VAMP1: variants seen among roughly 807,000 people sequenced by gnomAD.
VAMP1 encodes vesicle-associated membrane protein 1.
A neutral mutation model predicts 19.1 loss-of-function variants in VAMP1; 16 were observed. The ratio of observed to expected loss-of-function variants is 0.84; its 90% CI spans 0.57 to 1.27. The LOEUF is 1.27. Among genes scored for constraint, VAMP1 ranks in the 50% most tolerant of loss-of-function variants. The pLI, the probability that VAMP1 is intolerant of heterozygous loss-of-function variation, is 0.00. For synonymous variants in VAMP1, 37 were observed against 50.2 expected, an observed-to-expected ratio of 0.74 and a Z score of 1.11; for missense variants, 109 against 145.4, an observed-to-expected ratio of 0.75 and a Z score of 1.29.
At position 6,462,745 on chromosome 12, in the gene VAMP1, C is replaced by T. The variant is rs1565523136; in HGVS notation, c.*1725G>A. ...GTGGTTCTTCTCCAGCGGTGACCCC[C>T]TGCATTAGGCAAGGAGGAGCCCAGA... On this transcript the variant is annotated 3_prime_UTR_variant, in exon 5 of 5. Transcript: ENST00000396308. The T allele has an allele frequency of 1.4e-6, 2 of 1,401,044 alleles. No homozygotes were observed. Among genetic ancestry groups the T allele is most frequent in the Non-Finnish European group, 1.9e-6 (2 of 1,031,268 alleles). The allele number at this position is 1,401,044 out of a possible 1,614,324, so 86.8% of individuals were successfully genotyped here. A position where few individuals can be genotyped will look rare whatever the true frequency, so the allele number is the denominator to read the frequency against.
At chr12:6,467,726 A>C (rs1302228598) in intron 1 of VAMP1, among the ~76,000 whole-genome samples, 1 of 152,210 alleles carries the variant, frequency 6.6e-6, no homozygotes, top group Non-Finnish European at 1.5e-5. Flanking sequence ...CTGGAGGCCC[A>C]GGAGGAAAAA....
intron 4 of VAMP1, 86 bp from the exon 5 acceptor site, chr12:6,464,572 C>A (rs781268500): frequency 4.1e-6 from 6 of 1,463,880 alleles, no homozygotes; most frequent in Non-Finnish European, 4.5e-6. Context: ...AGTTACCAGA[C>A]ATTCAGGTCT....
Position 6,470,599 on chromosome 12 carries a change from G to A in VAMP1, c.-68C>T, listed in dbSNP as rs1315510930. ...TGCGGCGAGACACCCGGTGAGGGAC[G>A]CTGCGGCTGAAGTGGACGGAACTGC... On this transcript the variant is annotated 5_prime_UTR_variant, in exon 1 of 5. Coordinates refer to ENST00000396308, the MANE Select transcript of VAMP1 (RefSeq NM_014231.5). 1 of 1,602,880 alleles carries A rather than the reference G, an allele frequency of 6.2e-7. No homozygotes were observed. Among genetic ancestry groups the A allele is most frequent in the Non-Finnish European group, 8.5e-7 (1 of 1,171,342 alleles).
chr12:6,463,931 G>T lies in VAMP1; in HGVS notation c.*539C>A. The T allele has an allele frequency of 7.8e-7, 1 of 1,289,386 alleles. No individual in the cohort carries two copies. Among genetic ancestry groups the T allele is most frequent in the Non-Finnish European group, 1.0e-6 (1 of 988,888 alleles). The allele number at this position is 1,289,386 out of a possible 1,614,324, so 79.9% of individuals were successfully genotyped here. On this transcript the variant is annotated 3_prime_UTR_variant, in exon 5 of 5. Transcript: ENST00000396308. The surrounding 1 kb of genome is among the most constrained non-coding windows in gnomAD (Gnocchi z 4.0). The stretch of plus-strand genomic sequence containing the variant: ...AAACAAGTTTTTACTTTCGAAAAGG[G>T]TACTGCACTGAAACCAAGTTGGACT...
In VAMP1 at chr12:6,462,696, G is replaced by T; in HGVS notation, c.*1774C>A. ...AGCCAAGAGGACGGATTCGCTCCAG[G>T]CTTGGGACACATCGAGGACAGTGGT... On this transcript the variant is annotated 3_prime_UTR_variant, in exon 5 of 5. Coordinates refer to ENST00000396308, the MANE Select transcript of VAMP1 (RefSeq NM_014231.5). 1 of 966,364 alleles carries T rather than the reference G, an allele frequency of 1.0e-6. No homozygotes were observed. The allele number at this position is 966,364 out of a possible 1,614,324, so 59.9% of individuals were successfully genotyped here. A position where few individuals can be genotyped will look rare whatever the true frequency, so the allele number is the denominator to read the frequency against.
In VAMP1 at chr12:6,463,847, T is replaced by C. The variant is rs1403126959; in HGVS notation, c.*623A>G. On this transcript the variant is annotated 3_prime_UTR_variant, in exon 5 of 5. Coordinates refer to ENST00000396308, the MANE Select transcript of VAMP1 (RefSeq NM_014231.5). This position sits in a 1 kb window ranked among gnomAD's most constrained non-coding sequence, Gnocchi z 4.0. ...CAGGCCTCTGGAGAACAAAGTAAAG[T>C]TGTAAGATCCCCAAAGACACGGAAA... 2 of 1,245,224 alleles carry C rather than the reference T, an allele frequency of 1.6e-6. No homozygotes were observed. Among genetic ancestry groups the C allele is most frequent in the Non-Finnish European group, 2.1e-6 (2 of 968,660 alleles). The allele number at this position is 1,245,224 out of a possible 1,614,324, so 77.1% of individuals were successfully genotyped here. A position where few individuals can be genotyped will look rare whatever the true frequency, so the allele number is the denominator to read the frequency against.
In VAMP1 at chr12:6,462,670, G is replaced by A. The variant is rs1949907477; in HGVS notation, c.*1800C>T. On this transcript the variant is annotated 3_prime_UTR_variant, in exon 5 of 5. Transcript: ENST00000396308. ...AATGATTCCTGTGATAGGGCTGGGA[G>A]AGCCAAGAGGACGGATTCGCTCCAG... The A allele has an allele frequency of 2.6e-6, 2 of 762,388 alleles. No homozygotes were observed. Among genetic ancestry groups the A allele is most frequent in the Admixed American group, 5.9e-5 (2 of 33,810 alleles). 47.2% of individuals were successfully genotyped at this position (762,388 alleles called of 1,614,324 possible).
At chr12:6,464,825 G>A (rs1379560336) in intron 4 of VAMP1, 65 bp downstream of exon 4, 3 of 1,610,584 alleles carry the variant, frequency 1.9e-6, no homozygotes, top group East Asian at 2.2e-5. Context: ...CAGGCAGGCA[G>A]GCAGGGAGAA....
intron 1 of VAMP1, among the ~76,000 whole-genome samples, chr12:6,469,810 CTG>C (rs778521186): frequency 6.6e-6 from 1 of 152,170 alleles, no homozygotes; most frequent in South Asian, 2.1e-4. Context: ...GGAGACTAAA[CTG>C]TGTGTGTTGG....
chr12:6,470,372 C>A (rs1011814947), intron 1 of VAMP1, among the ~76,000 whole-genome samples, 158 bp downstream of exon 1: 17 of 152,064 alleles, frequency 1.1e-4, no homozygotes, highest in Non-Finnish European at 2.5e-4. Context: ...GTGCTGGCCC[C>A]CCTCCCTGGG....
chr12:6,468,028 A>T (rs1322862068), intron 1 of VAMP1, among the ~76,000 whole-genome samples: 2 of 152,212 alleles, frequency 1.3e-5, no homozygotes, highest in Non-Finnish European at 2.9e-5. Flanking sequence ...CCTCATGGAG[A>T]ACCTCTGCTA....
intron 1 of VAMP1, 135 bp downstream of exon 1, chr12:6,470,395 C>T: frequency 1.5e-6 from 2 of 1,370,846 alleles, no homozygotes; most frequent in Non-Finnish European, 2.0e-6. Context: ...TGGCCCGGTC[C>T]GGAAGCGGCG....
intron 4 of VAMP1, 44 bp downstream of exon 4, chr12:6,464,846 C>T: frequency 6.2e-7 from 1 of 1,613,304 alleles, no homozygotes; most frequent in Non-Finnish European, 8.5e-7. Context: ...GACTCCAGGA[C>T]CTTCCCACCT....
At chr12:6,464,787 C>G in intron 4 of VAMP1, 103 bp downstream of exon 4, 1 of 1,584,678 alleles carries the variant, frequency 6.3e-7, no homozygotes, top group Non-Finnish European at 8.6e-7. Context: ...GTCTCCATAC[C>G]TCAGTCAGAG....
rs543954369 is a variant in VAMP1, at chr12:6,462,736, G to A, written c.*1734C>T. ...AGGACAGTGGTGGTTCTTCTCCAGC[G>A]GTGACCCCCTGCATTAGGCAAGGAG... On this transcript the variant is annotated 3_prime_UTR_variant, in exon 5 of 5. Transcript: ENST00000396308. 16 of 1,309,734 alleles carry A rather than the reference G, an allele frequency of 1.2e-5. No individual in the cohort carries two copies. In the East Asian group the frequency reaches 2.7e-4, roughly 22 times the overall value. The allele number at this position is 1,309,734 out of a possible 1,614,324, so 81.1% of individuals were successfully genotyped here. A position where few individuals can be genotyped will look rare whatever the true frequency, so the allele number is the denominator to read the frequency against.
rs1949936926 is a variant in VAMP1 at position 6,463,737 on chromosome 12, G to A, written c.*733C>T. 1 of 1,157,794 alleles carries A rather than the reference G, an allele frequency of 8.6e-7. No individual in the cohort carries two copies. The highest frequency in any genetic ancestry group is 1.1e-6 in the Non-Finnish European group (1 of 928,096). The allele number at this position is 1,157,794 out of a possible 1,614,324, so 71.7% of individuals were successfully genotyped here. ...AATGCTGTAGAAAATGTAAAGAAGA[G>A]AAAGCTCCTTCCAGCTAGAAGCACA... On this transcript the variant is annotated 3_prime_UTR_variant, in exon 5 of 5. Transcript: ENST00000396308. The surrounding 1 kb of genome is among the most constrained non-coding windows in gnomAD (Gnocchi z 4.0).
Position 6,463,532 on chromosome 12 carries a change from G to A in VAMP1, c.*938C>T, listed in dbSNP as rs892783053. On this transcript the variant is annotated 3_prime_UTR_variant, in exon 5 of 5. Coordinates refer to ENST00000396308, the MANE Select transcript of VAMP1 (RefSeq NM_014231.5). The surrounding 1 kb of genome is among the most constrained non-coding windows in gnomAD (Gnocchi z 4.0). ...AGAGAGGAACAGGACCCTCTTTAAC[G>A]AGGGCAAGGAGTGGCTTCCTCTGAG... 29 of 1,041,268 alleles carry A rather than the reference G, an allele frequency of 2.8e-5. No homozygotes were observed. Among genetic ancestry groups the A allele is most frequent in the Admixed American group, 1.0e-4 (2 of 19,712 alleles). The allele number at this position is 1,041,268 out of a possible 1,614,324, so 64.5% of individuals were successfully genotyped here. A position where few individuals can be genotyped will look rare whatever the true frequency, so the allele number is the denominator to read the frequency against.
At chr12:6,468,140 C>T (rs1235151481) in intron 1 of VAMP1, among the ~76,000 whole-genome samples, 2 of 152,226 alleles carry the variant, frequency 1.3e-5, no homozygotes, top group African/African-American at 4.8e-5. Flanking sequence ...ATTCTCCAGA[C>T]CCCAGAATGG....
At chr12:6,465,201 G>A in intron 3 of VAMP1, 1 of 493,734 alleles carries the variant, frequency 2.0e-6, no homozygotes, top group African/African-American at 2.0e-5. Context: ...GGTGTCTTGG[G>A]GCTTTAGAAG....
Sources: allele counts gnomAD v4.1 joint callset (sites outside exome capture counted in the v4.1 genomes callset), GRCh38; gene constraint gnomAD v4.1.1; non-coding constraint Gnocchi (gnomAD v3.1); transcripts MANE v1.5; gene names NCBI Gene and HGNC (gene_info 2026-07-23, HGNC 2026-07-21).